CERT1: variants seen among roughly 807,000 people sequenced by gnomAD.
CERT1 encodes the protein ceramide transfer protein.
A neutral mutation model predicts 87.9 loss-of-function variants in CERT1; 31 were observed. That is an observed-to-expected ratio of 0.35 (90% CI 0.27 to 0.48). CERT1 has a LOEUF of 0.48. Ranked by LOEUF, CERT1 falls within the 20% of genes least tolerant of loss-of-function variation. The pLI, the probability that CERT1 is intolerant of heterozygous loss-of-function variation, is 0.99. For missense variants in CERT1, 487 were observed against 758.0 expected, an observed-to-expected ratio of 0.64 and a Z score of 4.20; for synonymous variants, 289 against 250.9, an observed-to-expected ratio of 1.15 and a Z score of -1.44.
At chr5:75,427,642 C>A (rs924367963) in intron 3 of CERT1, among the ~76,000 whole-genome samples, 4 of 152,126 alleles carry the variant, frequency 2.6e-5, no homozygotes, top group African/African-American at 9.7e-5. Flanking sequence ...TGTGGAAAAA[C>A]CAAGGCATCT....
rs187311870 is a variant in CERT1 at position 75,387,013 on chromosome 5, G to A, written c.1285-979C>T. ...TTCCTGAGTAGCTGGGATTACAGGC[G>A]CCTGCCACTACGCCCAGCTAATTTT... On this transcript the variant is annotated intron_variant, in intron 12 of 16. Transcript: ENST00000643780. Among the ~76,000 whole-genome samples the A allele has an allele frequency of 2.5e-3, 381 of 152,096 alleles. 1 individual carries two copies. Among genetic ancestry groups the A allele is most frequent in the African/African-American group, 8.8e-3 (366 of 41,524 alleles).
chr5:75,462,197 T>C (rs1193628153), intron 2 of CERT1, among the ~76,000 whole-genome samples: 1 of 152,104 alleles, frequency 6.6e-6, no homozygotes, highest in East Asian at 1.9e-4. Flanking sequence ...AGGCCAAAAT[T>C]AGATGGAAAA....
intron 2 of CERT1, among the ~76,000 whole-genome samples, chr5:75,460,132 A>G (rs1765165703): frequency 6.6e-6 from 1 of 152,126 alleles, no homozygotes; most frequent in African/African-American, 2.4e-5. Context: ...TAAGGCCAAA[A>G]TAAGTTTTAG....
chr5:75,385,842 G>A, intron 13 of CERT1, 60 bp downstream of exon 13: 2 of 1,251,466 alleles, frequency 1.6e-6, no homozygotes, highest in African/African-American at 3.1e-5. Context: ...AGAAAACTAG[G>A]TTGGATTTGA....
At chr5:75,380,538 C>T (rs1761527433) in intron 16 of CERT1, among the ~76,000 whole-genome samples, 1 of 152,018 alleles carries the variant, frequency 6.6e-6, no homozygotes, top group Admixed American at 6.5e-5. Context: ...CCTGTAATCC[C>T]AGCACTTTGG....
chr5:75,399,340 G>A lies in CERT1; in HGVS notation c.1158C>T (p.Ala386=), dbSNP rs557731873. 44 of 1,613,500 alleles carry A rather than the reference G, an allele frequency of 2.7e-5. No individual in the cohort carries two copies. The highest frequency in any genetic ancestry group is 3.6e-5 in the Non-Finnish European group (42 of 1,179,628). ...SSMSSIDLVS[A]SDDVHRFSSQ... The stretch of plus-strand genomic sequence containing the variant: ...AGCTGAATCTGTGAACATCATCAGA[G>A]GCACTGACTAGATCAATGGAAGACA... The change falls in exon 11 of 17, where the codon GCC becomes GCT. Residue 386 remains alanine, a synonymous_variant. Coordinates refer to ENST00000643780, the MANE Select transcript of CERT1 (RefSeq NM_001379029.1).
At chr5:75,414,902 T>A (rs1290669079) in intron 7 of CERT1, among the ~76,000 whole-genome samples, 1 of 152,138 alleles carries the variant, frequency 6.6e-6, no homozygotes, top group Non-Finnish European at 1.5e-5. Flanking sequence ...CACACCTGAA[T>A]GAAACAATTT....
intron 1 of CERT1, among the ~76,000 whole-genome samples, chr5:75,510,494 T>C (rs1009164088): frequency 2.6e-5 from 4 of 152,326 alleles, no homozygotes; most frequent in Middle Eastern, 3.4e-3. Flanking sequence ...GTCTCCATTC[T>C]CACATGTTCC....
chr5:75,471,712 C>T (rs1047856697), intron 2 of CERT1, among the ~76,000 whole-genome samples: 3 of 146,682 alleles, frequency 2.0e-5, no homozygotes, highest in African/African-American at 5.1e-5. Context: ...GCCAAGATTG[C>T]GCCACTGCAC....
At chr5:75,384,830 T>C (rs988173850) in intron 13 of CERT1, 118 bp from the exon 14 acceptor site, 2 of 630,204 alleles carry the variant, frequency 3.2e-6, no homozygotes, top group African/African-American at 3.7e-5. Context: ...GATCCTGCCC[T>C]ATCTAGGTTA....
At chr5:75,488,136 T>C (rs1766611311) in intron 2 of CERT1, among the ~76,000 whole-genome samples, 1 of 152,040 alleles carries the variant, frequency 6.6e-6, no homozygotes, top group Non-Finnish European at 1.5e-5. Flanking sequence ...ATCTAGTATT[T>C]GATAGCATAA....
chr5:75,491,397 G>C (rs1056899296), intron 2 of CERT1, among the ~76,000 whole-genome samples: 5 of 151,998 alleles, frequency 3.3e-5, no homozygotes, highest in African/African-American at 1.2e-4. Flanking sequence ...TCAGAAGTGT[G>C]TCTCTTTAAA....
chr5:75,511,808 A>G, upstream of CERT1: 1 of 1,551,444 alleles, frequency 6.4e-7, no homozygotes, highest in Non-Finnish European at 8.7e-7. Flanking sequence ...GGAGCGGAGA[A>G]AGGAGAGGGC....
rs1766690226 is a variant in CERT1 at position 75,489,778 on chromosome 5, C to G, written c.231+16204G>C. Among the ~76,000 whole-genome samples, 5 of 152,214 alleles carry G rather than the reference C, an allele frequency of 3.3e-5. No homozygotes were observed. The South Asian group carries it at 1.0e-3, about 32-fold the overall frequency. On this transcript the variant is annotated intron_variant, in intron 2 of 16. Coordinates refer to ENST00000643780, the MANE Select transcript of CERT1 (RefSeq NM_001379029.1). ...GTGGAGAAATAGGAACGCTTTTACT[C>G]TGTTGGTGGGAGTGTAAATTAGTTC...
At chr5:75,475,219 A>C (rs934182476) in intron 2 of CERT1, among the ~76,000 whole-genome samples, 1 of 152,212 alleles carries the variant, frequency 6.6e-6, no homozygotes, top group Non-Finnish European at 1.5e-5. Flanking sequence ...ATAGCAAGGA[A>C]CAAATGCCAT....
chr5:75,373,375 C>T (rs753146548), downstream of CERT1: 1 of 152,096 alleles, frequency 6.6e-6, no homozygotes, highest in Non-Finnish European at 1.5e-5. Flanking sequence ...AAGATTTGTA[C>T]AGATGTTTCT....
chr5:75,505,808 T>C (rs1240360606), intron 2 of CERT1, 174 bp downstream of exon 2: 2 of 452,848 alleles, frequency 4.4e-6, no homozygotes, highest in East Asian at 3.5e-5. Flanking sequence ...AATAACAATA[T>C]GTAGTAAAAA....
At chr5:75,406,055 A>T (rs62366591) in intron 8 of CERT1, among the ~76,000 whole-genome samples, 1 of 152,204 alleles carries the variant, frequency 6.6e-6, no homozygotes, top group Admixed American at 6.5e-5. Flanking sequence ...CTTTCAATCC[A>T]TTCTTCCTAC....
chr5:75,463,891 T>C (rs899675981), intron 2 of CERT1, among the ~76,000 whole-genome samples: 2 of 152,038 alleles, frequency 1.3e-5, no homozygotes, highest in Admixed American at 6.5e-5. Flanking sequence ...AAGCAGGTGG[T>C]TGGTTAGGCA....
Sources: gnomAD v4.1 joint callset for allele counts (sites outside exome capture counted in the v4.1 genomes callset) on GRCh38, gnomAD v4.1.1 for gene constraint, MANE v1.5 for transcripts, NCBI Gene and HGNC (gene_info 2026-07-23, HGNC 2026-07-21) for gene names.